Variants in MAPKAP1 observed in about 807,000 individuals in gnomAD.
The protein encoded by MAPKAP1 is MAPK associated protein 1, also known as target of rapamycin complex 2 subunit MAPKAP1.
Under a neutral mutation model 65.7 loss-of-function variants are expected in MAPKAP1, and 20 were observed. The observed-to-expected ratio is 0.30, with a 90% CI of 0.21 to 0.44. The LOEUF is 0.44. Ranked by LOEUF, MAPKAP1 falls within the 20% of genes least tolerant of loss-of-function variation. The pLI is 1.00. For missense variants in MAPKAP1, 423 were observed against 648.0 expected (o/e 0.65, Z 3.77); for synonymous variants, 222 against 244.3 (o/e 0.91, Z 0.85).
intron 1 of MAPKAP1, among the ~76,000 whole-genome samples, chr9:125,691,135 C>T (rs1482842557): frequency 6.6e-6 from 1 of 152,116 alleles, no homozygotes; most frequent in East Asian, 1.9e-4. Context: ...GTGGCGGGCG[C>T]CTGTAGTCCC....
chr9:125,601,285 T>C (rs538725330), intron 4 of MAPKAP1, among the ~76,000 whole-genome samples: 6 of 152,296 alleles, frequency 3.9e-5, no homozygotes, highest in East Asian at 1.9e-4. Flanking sequence ...GAATGTAAAA[T>C]TGCATAAATA....
At chr9:125,559,876 T>G in intron 5 of MAPKAP1, 67 bp from the exon 6 acceptor site, 1 of 1,497,284 alleles carries the variant, frequency 6.7e-7, no homozygotes, top group South Asian at 1.3e-5. Flanking sequence ...CCAGAGGGTA[T>G]GGTGCACAGC....
intron 6 of MAPKAP1, among the ~76,000 whole-genome samples, chr9:125,551,346 A>G (rs1339019649): frequency 1.3e-5 from 2 of 152,194 alleles, no homozygotes; most frequent in East Asian, 3.8e-4. Context: ...AAAGCCCAGT[A>G]AAGAGCATGA....
intron 7 of MAPKAP1, among the ~76,000 whole-genome samples, chr9:125,511,164 C>CCATCATCAT (rs3051230): frequency 2.2e-4 from 33 of 147,068 alleles, no homozygotes; most frequent in African/African-American, 4.0e-4. Context: ...ATCATCATCA[C>CCATCATCAT]CATCATCATC....
rs536599923 is a variant in MAPKAP1 at position 125,619,629 on chromosome 9, T to A, written c.499-33902A>T. On this transcript the variant is annotated intron_variant, in intron 4 of 11. Coordinates refer to ENST00000265960, the MANE Select transcript of MAPKAP1 (RefSeq NM_001006617.3). The stretch of plus-strand genomic sequence containing the variant: ...AATTAACAGAGAGAAATCAGGAACC[T>A]TCATATATACGAACATAGCAGAAAA... Among the ~76,000 whole-genome samples the A allele has an allele frequency of 4.6e-5, 7 of 152,142 alleles. No individual in the cohort carries two copies. In the South Asian group the frequency reaches 1.4e-3, roughly 32 times the overall value.
chr9:125,641,366 T>G (rs2131711510), intron 4 of MAPKAP1, among the ~76,000 whole-genome samples: 1 of 152,358 alleles, frequency 6.6e-6, no homozygotes, highest in Non-Finnish European at 1.5e-5. Context: ...ATGAGTACTG[T>G]ATGGTTTTTA....
intron 9 of MAPKAP1, among the ~76,000 whole-genome samples, chr9:125,480,974 GGAAAAAA>G (rs1290305464): frequency 1.0e-4 from 10 of 97,648 alleles, no homozygotes; most frequent in African/African-American, 3.7e-4. Flanking sequence ...TCCGTTTCGG[GGAAAAAA>G]AAAAAAAAAA....
intron 8 of MAPKAP1, among the ~76,000 whole-genome samples, chr9:125,500,204 C>T (rs1828930417): frequency 6.6e-6 from 1 of 151,830 alleles, no homozygotes; most frequent in East Asian, 1.9e-4. Flanking sequence ...GCTCTGTGGC[C>T]CAGGCTGGAG....
intron 3 of MAPKAP1, among the ~76,000 whole-genome samples, chr9:125,663,135 C>G (rs1834236823): frequency 6.6e-6 from 1 of 152,178 alleles, no homozygotes; most frequent in Non-Finnish European, 1.5e-5. Flanking sequence ...CTGATCAAAT[C>G]ACCTCAGAGA....
chr9:125,599,718 CTCAGCCTCCCGAGTAGCTGGGA>C (rs1385537395), intron 4 of MAPKAP1: 1 of 152,108 alleles, frequency 6.6e-6, no homozygotes, highest in Non-Finnish European at 1.5e-5. Context: ...ATTCTCCTGC[CTCAGCCTCCCGAGTAGCTGGGA>C]TTATAGGCAC....
At chr9:125,599,937 A>C (rs1011291065) in intron 4 of MAPKAP1, 3 of 152,116 alleles carry the variant, frequency 2.0e-5, no homozygotes, top group Non-Finnish European at 4.4e-5. Context: ...CCTGTCCGCA[A>C]ATGTAAATCT....
intron 6 of MAPKAP1, among the ~76,000 whole-genome samples, chr9:125,550,544 C>T (rs138944131): frequency 8.5e-5 from 13 of 152,334 alleles, no homozygotes; most frequent in African/African-American, 2.6e-4. Context: ...AATTTCAAGA[C>T]ATTCCAGTGA....
At chr9:125,495,634 G>T (rs371692723) in intron 8 of MAPKAP1, among the ~76,000 whole-genome samples, 17 of 152,156 alleles carry the variant, frequency 1.1e-4, no homozygotes, top group African/African-American at 3.9e-4. Flanking sequence ...TGATAAAACG[G>T]AAACGGGGGA....
intron 10 of MAPKAP1, among the ~76,000 whole-genome samples, chr9:125,451,536 G>T (rs1243754356): frequency 6.6e-6 from 1 of 152,138 alleles, no homozygotes; most frequent in Non-Finnish European, 1.5e-5. Flanking sequence ...TGAGCAGTGG[G>T]TATGGCTGCC....
At chr9:125,535,549 A>G (rs1830050037) in intron 7 of MAPKAP1, among the ~76,000 whole-genome samples, 1 of 152,210 alleles carries the variant, frequency 6.6e-6, no homozygotes, top group South Asian at 2.1e-4. Context: ...TTAAGAGCAC[A>G]GATAGCCCTT....
At chr9:125,532,046 C>G (rs1829948504) in intron 7 of MAPKAP1, among the ~76,000 whole-genome samples, 1 of 152,128 alleles carries the variant, frequency 6.6e-6, no homozygotes, top group Non-Finnish European at 1.5e-5. Context: ...TAGCTTTACT[C>G]CAGAAAGTTC....
At chr9:125,610,169 T>C (rs1589338353) in intron 4 of MAPKAP1, among the ~76,000 whole-genome samples, 1 of 151,924 alleles carries the variant, frequency 6.6e-6, no homozygotes, top group Admixed American at 6.5e-5. Flanking sequence ...AGCCATGATA[T>C]GTGTAAACAC....
At chr9:125,678,356 C>T (rs1414815970) in intron 1 of MAPKAP1, among the ~76,000 whole-genome samples, 1 of 152,092 alleles carries the variant, frequency 6.6e-6, no homozygotes, top group Non-Finnish European at 1.5e-5. Context: ...CACTCTCCTG[C>T]CTCAGCCTCC....
At chr9:125,677,313 G>A (rs1328222674) in intron 1 of MAPKAP1, among the ~76,000 whole-genome samples, 1 of 152,034 alleles carries the variant, frequency 6.6e-6, no homozygotes, top group Non-Finnish European at 1.5e-5. Context: ...AGGCTAAGGT[G>A]GAAGAATTGC....
Sources: gnomAD v4.1 joint callset for allele counts (sites outside exome capture counted in the v4.1 genomes callset) on GRCh38, gnomAD v4.1.1 for gene constraint, MANE v1.5 for transcripts, NCBI Gene and HGNC (gene_info 2026-07-23, HGNC 2026-07-21) for gene names.